Variants in CPA5 observed in about 807,000 individuals in gnomAD.
The protein encoded by CPA5 is carboxypeptidase A5.
In CPA5, 38 loss-of-function variants were observed where a neutral mutation model predicts 52.2. The observed-to-expected ratio is 0.73, with a 90% CI of 0.56 to 0.95. CPA5 has a LOEUF of 0.95. CPA5 is among the 40% of genes least tolerant of loss of function. The pLI, the probability that CPA5 is intolerant of heterozygous loss-of-function variation, is 0.00. For missense variants in CPA5, 519 were observed against 566.7 expected, an observed-to-expected ratio of 0.92 and a Z score of 0.86; for synonymous variants, 198 against 213.7, an observed-to-expected ratio of 0.93 and a Z score of 0.64.
At chr7:130,361,388 T>C in intron 7 of CPA5, 144 bp downstream of exon 7, 1 of 624,082 alleles carries the variant, frequency 1.6e-6, no homozygotes, top group South Asian at 2.0e-5. Flanking sequence ...CCATAAACTT[T>C]GGGGTTGTGG....
intron 10 of CPA5, among the ~76,000 whole-genome samples, chr7:130,364,087 G>A (rs1554407585): frequency 6.6e-6 from 1 of 152,110 alleles, no homozygotes; most frequent in African/African-American, 2.4e-5. Context: ...GAGTGCAGTG[G>A]TGTGATCATG....
intron 5 of CPA5, among the ~76,000 whole-genome samples, chr7:130,354,219 C>T (rs1425921432): frequency 4.6e-5 from 7 of 152,152 alleles, no homozygotes; most frequent in Admixed American, 2.6e-4. Context: ...TGAGCCACCA[C>T]GCCAGACTGC....
chr7:130,347,286 G>A (rs959886546), intron 3 of CPA5, among the ~76,000 whole-genome samples: 4 of 152,214 alleles, frequency 2.6e-5, no homozygotes, highest in Non-Finnish European at 5.9e-5. Context: ...TCCATGTCAG[G>A]TGGGGTGAGG....
intron 5 of CPA5, among the ~76,000 whole-genome samples, chr7:130,355,908 G>A (rs1163980372): frequency 6.6e-6 from 1 of 152,156 alleles, no homozygotes; most frequent in Non-Finnish European, 1.5e-5. Flanking sequence ...TGTCTGTGTG[G>A]CACTTTAACT....
rs1554401797 is a variant in CPA5 at position 130,345,166 on chromosome 7, T to C, written c.-191T>C. On this transcript the variant is annotated 5_prime_UTR_variant, in exon 1 of 13. Coordinates refer to ENST00000474905, the MANE Select transcript of CPA5 (RefSeq NM_080385.5). ...GCCAGGATACTAGAAGAGTCTGGCT[T>C]GTCTGAACAGCTGAACTACGAAATA... 1 of 152,226 alleles carries C rather than the reference T, an allele frequency of 6.6e-6. No homozygotes were observed. Among genetic ancestry groups the C allele is most frequent in the Non-Finnish European group, 1.5e-5 (1 of 68,052 alleles). The allele number at this position is 152,226 out of a possible 1,614,324, so 9.4% of individuals were successfully genotyped here. A position where few individuals can be genotyped will look rare whatever the true frequency, so the allele number is the denominator to read the frequency against.
chr7:130,363,332 C>A, intron 9 of CPA5, 87 bp from the exon 10 acceptor site: 1 of 1,131,240 alleles, frequency 8.8e-7, no homozygotes, highest in Non-Finnish European at 1.3e-6. Context: ...CACTAGGGTC[C>A]CCTACCCCCA....
intron 5 of CPA5, among the ~76,000 whole-genome samples, chr7:130,353,295 A>G (rs1554404456): frequency 6.6e-6 from 1 of 151,984 alleles, no homozygotes. Context: ...ACAATGTCAC[A>G]CGCAACTTCC....
chr7:130,349,834 C>A, intron 4 of CPA5, 141 bp from the exon 5 acceptor site: 1 of 909,538 alleles, frequency 1.1e-6, no homozygotes, highest in Non-Finnish European at 1.7e-6. Flanking sequence ...GGCTTTGGGA[C>A]ATCACACCCC....
At position 130,368,654 on chromosome 7, in the gene CPA5, C is replaced by A; in HGVS notation, c.*57C>A. On this transcript the variant is annotated 3_prime_UTR_variant, in exon 13 of 13. Transcript: ENST00000474905. ...TCTCCCCAAGGTCTGTGGCTCCTCC[C>A]GAAACCCAAGTTATGCATCCCCATC... The A allele has an allele frequency of 6.3e-7, 1 of 1,578,908 alleles. No individual in the cohort carries two copies. Among genetic ancestry groups the A allele is most frequent in the Non-Finnish European group, 8.7e-7 (1 of 1,154,028 alleles).
downstream of CPA5, among the ~76,000 whole-genome samples, chr7:130,369,710 G>C (rs1796273622): frequency 6.6e-6 from 1 of 152,094 alleles, no homozygotes; most frequent in African/African-American, 2.4e-5. Flanking sequence ...TGTAAAACTG[G>C]ATGGCCAAGA....
rs1532046 is a variant in CPA5, at chr7:130,344,846, T to C, written c.-511T>C. 0.6 allele frequency: 91,217 copies of C among 151,874 alleles called. 27,573 individuals are homozygous for C. Among genetic ancestry groups the C allele is most frequent in the African/African-American group, 0.65 (26,904 of 41,374 alleles). 9.4% of individuals were successfully genotyped at this position (151,874 alleles called of 1,614,324 possible). A position where few individuals can be genotyped will look rare whatever the true frequency, so the allele number is the denominator to read the frequency against. On this transcript the variant is annotated 5_prime_UTR_variant, in exon 1 of 13. Transcript: ENST00000474905. The stretch of plus-strand genomic sequence containing the variant: ...CTTCTCTCTCTCTCTTTTACTCTTA[T>C]TCTTTCTCTCTCACTCTCTCTCTTT...
chr7:130,358,915 G>T (rs1554405851), intron 5 of CPA5, among the ~76,000 whole-genome samples: 1 of 152,226 alleles, frequency 6.6e-6, no homozygotes, highest in Non-Finnish European at 1.5e-5. Context: ...GATACCCAAG[G>T]ACATTGCTTT....
At chr7:130,370,158 AGGCACTGGCTG>A (rs1356220859), downstream of CPA5, among the ~76,000 whole-genome samples, 5 of 152,370 alleles carry the variant, frequency 3.3e-5, no homozygotes, top group East Asian at 7.7e-4. Context: ...GTGGCACAGC[AGGCACTGGCTG>A]GGCATTGGCT....
downstream of CPA5, among the ~76,000 whole-genome samples, chr7:130,370,073 A>T (rs1367729213): frequency 1.3e-5 from 2 of 152,258 alleles, no homozygotes; most frequent in Admixed American, 6.5e-5. Context: ...GAGCAAAGAA[A>T]CAAGGTTGGC....
At chr7:130,362,819 A>G in intron 8 of CPA5, 65 bp from the exon 9 acceptor site, 1 of 1,016,832 alleles carries the variant, frequency 9.8e-7, no homozygotes, top group Non-Finnish European at 1.5e-6. Flanking sequence ...GGCTGTGAAA[A>G]TGTCCTGTGC....
chr7:130,348,566 A>G (rs1794921895), intron 4 of CPA5, among the ~76,000 whole-genome samples: 1 of 152,190 alleles, frequency 6.6e-6, no homozygotes, highest in African/African-American at 2.4e-5. Flanking sequence ...GATGGGAACA[A>G]TGATGCCTCC....
At chr7:130,353,136 T>G (rs1795273945) in intron 5 of CPA5, among the ~76,000 whole-genome samples, 1 of 152,068 alleles carries the variant, frequency 6.6e-6, no homozygotes, top group African/African-American at 2.4e-5. Flanking sequence ...AAACCCTCTC[T>G]TGATCCCTTC....
intron 5 of CPA5, among the ~76,000 whole-genome samples, chr7:130,356,457 C>T (rs1795482070): frequency 6.6e-6 from 1 of 152,226 alleles, no homozygotes; most frequent in Non-Finnish European, 1.5e-5. Context: ...AGCCTGTGGC[C>T]TGACCGCATT....
downstream of CPA5, among the ~76,000 whole-genome samples, chr7:130,373,309 A>C (rs1488797192): frequency 9.3e-5 from 14 of 150,252 alleles, no homozygotes; most frequent in Admixed American, 8.6e-4. Context: ...TTCTTTTTCC[A>C]ACAAACTGCT....
Sources: allele counts gnomAD v4.1 joint callset (sites outside exome capture counted in the v4.1 genomes callset), GRCh38; gene constraint gnomAD v4.1.1; transcripts MANE v1.5; gene names NCBI Gene and HGNC (gene_info 2026-07-23, HGNC 2026-07-21).